Variants in ARMC7 observed in about 807,000 individuals in gnomAD.
The protein encoded by ARMC7 is armadillo repeat containing 7.
A neutral mutation model predicts 14.8 loss-of-function variants in ARMC7; 9 were observed. That is an observed-to-expected ratio of 0.61 (90% CI 0.37 to 1.06). The LOEUF is 1.06. Ranked by LOEUF, ARMC7 falls within the 50% of genes least tolerant of loss-of-function variation. The pLI is 0.01. For missense variants in ARMC7, 262 were observed against 267.1 expected, an observed-to-expected ratio of 0.98 and a Z score of 0.13; for synonymous variants, 125 against 123.4, an observed-to-expected ratio of 1.01 and a Z score of -0.09.
At chr17:75,124,661 T>C (rs2074038361) in intron 2 of ARMC7, among the ~76,000 whole-genome samples, 1 of 151,664 alleles carries the variant, frequency 6.6e-6, no homozygotes, top group Admixed American at 6.6e-5. Flanking sequence ...AAGGCTGGAT[T>C]CGTTGTCCTT....
rs143668387 is a variant in ARMC7 at position 75,127,783 on chromosome 17, C to T, written c.236-894C>T. Among the ~76,000 whole-genome samples the T allele has an allele frequency of 4.7e-3, 718 of 152,284 alleles. 2 individuals carry two copies. Among genetic ancestry groups the T allele is most frequent in the Non-Finnish European group, 8.3e-3 (564 of 68,024 alleles). The stretch of plus-strand genomic sequence containing the variant: ...CTAATTGTGTGTGTTTTGGTAGCGA[C>T]AGAGTTTTGCCATGTCGCCAAGGCT... On this transcript the variant is annotated intron_variant, in intron 2 of 2. Transcript: ENST00000245543.
intron 2 of ARMC7, among the ~76,000 whole-genome samples, chr17:75,119,451 T>G (rs1422311787): frequency 4.2e-5 from 6 of 142,414 alleles, no homozygotes; most frequent in Admixed American, 2.1e-4. Flanking sequence ...ATACAGTTTT[T>G]TCTTTTTTTT....
intron 2 of ARMC7, among the ~76,000 whole-genome samples, chr17:75,113,593 G>A (rs2145118596): frequency 6.6e-6 from 1 of 151,970 alleles, no homozygotes; most frequent in African/African-American, 2.4e-5. Context: ...CTGACCTCGT[G>A]ATCTGCCCGC....
chr17:75,113,682 A>G (rs1209223790), intron 2 of ARMC7, among the ~76,000 whole-genome samples: 1 of 152,182 alleles, frequency 6.6e-6, no homozygotes, highest in African/African-American at 2.4e-5. Context: ...GTGTGATTCA[A>G]ATTTTTCAAA....
intron 2 of ARMC7, among the ~76,000 whole-genome samples, chr17:75,118,104 G>A (rs562995775): frequency 2.1e-5 from 3 of 144,446 alleles, no homozygotes; most frequent in East Asian, 3.9e-4. Context: ...CAGCATGGGC[G>A]ACAAAGCAAG....
chr17:75,111,736 TCAAAAA>T (rs1200273636), intron 2 of ARMC7, among the ~76,000 whole-genome samples: 1 of 151,552 alleles, frequency 6.6e-6, no homozygotes, highest in African/African-American at 2.4e-5. Context: ...AGAATCTGTC[TCAAAAA>T]CAAAAATAAC....
chr17:75,114,979 T>G (rs933995657), intron 2 of ARMC7: 2 of 378,068 alleles, frequency 5.3e-6, no homozygotes, highest in African/African-American at 4.2e-5. Context: ...TGTGCTGCGC[T>G]TTGGAGCTTT....
Position 75,126,985 on chromosome 17 carries a change from C to G in ARMC7, c.236-1692C>G, listed in dbSNP as rs1011020543. Among the ~76,000 whole-genome samples the G allele has an allele frequency of 1.1e-4, 16 of 151,282 alleles. No individual in the cohort carries two copies. The East Asian group carries it at 2.8e-3, about 27-fold the overall frequency. On this transcript the variant is annotated intron_variant, in intron 2 of 2. Transcript: ENST00000245543. ...GCTGAGGCAGGAGAATCACTTGAAC[C>G]CGGGAGGCGGAGGTTGCAATGAGCC...
chr17:75,123,632 G>A (rs1211731977), intron 2 of ARMC7, among the ~76,000 whole-genome samples: 1 of 152,090 alleles, frequency 6.6e-6, no homozygotes, highest in Admixed American at 6.6e-5. Context: ...TTTAAGAACT[G>A]TAAATATTGC....
In ARMC7 at chr17:75,128,870, G is replaced by A. The variant is rs775023374; in HGVS notation, c.429G>A (p.Gln143=). ...LPELTATPVV[Q]CMLRFSLSAS... Reference sequence around the variant, plus strand: ...AGCTGACCGCCACGCCCGTGGTGCAGTGCATGCTTCGCTTCTCCCTCTCGG... The same window carrying A: ...AGCTGACCGCCACGCCCGTGGTGCAATGCATGCTTCGCTTCTCCCTCTCGG... Residue 143 remains glutamine (Q), a synonymous_variant, in exon 3 of 3, where the codon CAG becomes CAA. Transcript: ENST00000245543. 5 of 1,612,330 alleles carry A rather than the reference G, an allele frequency of 3.1e-6. No individual in the cohort carries two copies. Among genetic ancestry groups the A allele is most frequent in the East Asian group, 4.5e-5 (2 of 44,888 alleles).
In ARMC7 at chr17:75,112,438, G is replaced by A. The variant is rs919291639; in HGVS notation, c.235+1832G>A. Among the ~76,000 whole-genome samples the A allele has an allele frequency of 3.9e-5, 6 of 152,130 alleles. No individual in the cohort carries two copies. In the South Asian group the frequency reaches 8.3e-4, roughly 21 times the overall value. ...GCACTGCAGCCTGGCCAACACGCGCGTAGTCACCTGGCTGAAGTCTTGTCA... is the reference window on the plus strand; with the variant it reads ...GCACTGCAGCCTGGCCAACACGCGCATAGTCACCTGGCTGAAGTCTTGTCA... On this transcript the variant is annotated intron_variant, in intron 2 of 2. Coordinates refer to ENST00000245543, the MANE Select transcript of ARMC7 (RefSeq NM_024585.4).
In ARMC7 at chr17:75,128,767, G is replaced by A. The variant is rs1169539084; in HGVS notation, c.326G>A (p.Ser109Asn). The A allele has an allele frequency of 1.2e-5, 20 of 1,613,558 alleles. No homozygotes were observed. Among genetic ancestry groups the A allele is most frequent in the Non-Finnish European group, 1.7e-5 (20 of 1,180,000 alleles). The change falls in exon 3 of 3, where the codon AGC (serine) becomes AAC (asparagine). Residue 109 changes from serine (S) to asparagine (N), a missense_variant. Coordinates refer to ENST00000245543, the MANE Select transcript of ARMC7 (RefSeq NM_024585.4). The stretch of plus-strand genomic sequence containing the variant: ...CCACTCATCATCAACTGCCTATCCA[G>A]CCCCAATGAGGAGACGGTGCTGTCT... Reference protein sequence around the residue: ...GVPLIINCLSSPNEETVLSAI... With the variant: ...GVPLIINCLSNPNEETVLSAI...
At chr17:75,120,627 A>G (rs1201185311) in intron 2 of ARMC7, among the ~76,000 whole-genome samples, 1 of 152,080 alleles carries the variant, frequency 6.6e-6, no homozygotes, top group East Asian at 1.9e-4. Context: ...ATCCTGGCTA[A>G]TACGGTGAAA....
At chr17:75,122,091 TG>T (rs2074017581) in intron 2 of ARMC7, among the ~76,000 whole-genome samples, 1 of 151,904 alleles carries the variant, frequency 6.6e-6, no homozygotes. Context: ...CCCAGCACTT[TG>T]GGAGGGCGAG....
In ARMC7 at chr17:75,129,861, C is replaced by CGTAG; in HGVS notation, c.*823_*824insGTAG. ...TGTCACTCAATGATGGGGAGCCCTA[C>CGTAG]CCCAGAAGTGTATCCCACGAGGGCA... On this transcript the variant is annotated 3_prime_UTR_variant, in exon 3 of 3. Transcript: ENST00000245543. The CGTAG allele has an allele frequency of 6.5e-6, 1 of 152,762 alleles. No individual in the cohort carries two copies. Among genetic ancestry groups the CGTAG allele is most frequent in the East Asian group, 1.9e-4 (1 of 5,172 alleles). 9.5% of individuals were successfully genotyped at this position (152,762 alleles called of 1,614,324 possible).
At chr17:75,127,821 C>A (rs953616504) in intron 2 of ARMC7, among the ~76,000 whole-genome samples, 3 of 152,140 alleles carry the variant, frequency 2.0e-5, no homozygotes, top group Non-Finnish European at 2.9e-5. Flanking sequence ...TCTCGAATTC[C>A]TGGGCTCAAG....
chr17:75,128,784 G>A lies in ARMC7; in HGVS notation c.343G>A (p.Val115Met), dbSNP rs745772379. The A allele has an allele frequency of 6.2e-7, 1 of 1,613,428 alleles. No individual in the cohort carries two copies. Among genetic ancestry groups the A allele is most frequent in the Non-Finnish European group, 8.5e-7 (1 of 1,180,014 alleles). ...CCTATCCAGCCCCAATGAGGAGACG[G>A]TGCTGTCTGCCATCACCACGCTCAT... is the stretch of plus-strand genomic sequence containing the variant. ...NCLSSPNEETVLSAITTLMHL... is the reference protein window; with the variant it reads ...NCLSSPNEETMLSAITTLMHL... The change falls in exon 3 of 3, where the codon GTG becomes ATG. Residue 115 changes from valine (V) to methionine (M), a missense_variant. Transcript: ENST00000245543.
chr17:75,121,260 A>C (rs1179908588), intron 2 of ARMC7, among the ~76,000 whole-genome samples: 1 of 152,190 alleles, frequency 6.6e-6, no homozygotes, highest in Non-Finnish European at 1.5e-5. Context: ...TGTTCATACA[A>C]ATATGTACTC....
rs1449778471 is a variant in ARMC7, at chr17:75,129,467, A to G, written c.*429A>G. On this transcript the variant is annotated 3_prime_UTR_variant, in exon 3 of 3. Coordinates refer to ENST00000245543, the MANE Select transcript of ARMC7 (RefSeq NM_024585.4). ...TCTGGAGTAGTTTTCAGGTATAGGA[A>G]TGAGATGCCTCGTGGTGAAAGGATC... 2 of 170,966 alleles carry G rather than the reference A, an allele frequency of 1.2e-5. No homozygotes were observed. Among genetic ancestry groups the G allele is most frequent in the Non-Finnish European group, 2.5e-5 (2 of 80,622 alleles). The allele number at this position is 170,966 out of a possible 1,614,324, so 10.6% of individuals were successfully genotyped here.
Sources: allele counts gnomAD v4.1 joint callset (sites outside exome capture counted in the v4.1 genomes callset), GRCh38; gene constraint gnomAD v4.1.1; transcripts MANE v1.5; gene names NCBI Gene and HGNC (gene_info 2026-07-23, HGNC 2026-07-21).